Variants in MSTN observed in about 807,000 individuals in gnomAD.
MSTN encodes the protein myostatin, also known as growth/differentiation factor 8.
A neutral mutation model predicts 32.3 loss-of-function variants in MSTN; 12 were observed. That is an observed-to-expected ratio of 0.37 (90% CI 0.24 to 0.60). The LOEUF is 0.60. MSTN is among the 20% of genes least tolerant of loss of function. MSTN has a pLI of 0.67. For missense variants in MSTN, 403 were observed against 450.3 expected (o/e 0.89, Z 0.95); for synonymous variants, 168 against 155.1 (o/e 1.08, Z -0.62).
chr2:190,059,524 T>C (rs532853915), intron 2 of MSTN, among the ~76,000 whole-genome samples: 3 of 152,050 alleles, frequency 2.0e-5, no homozygotes, highest in African/African-American at 7.2e-5. Context: ...AATGAACATA[T>C]TTATCTTGAG....
In MSTN at chr2:190,057,525, A is replaced by G; in HGVS notation, c.861T>C (p.Thr287=). Residue 287 remains threonine (T), a synonymous_variant, in exon 3 of 3, where the codon ACT becomes ACC. Coordinates refer to ENST00000260950, the MANE Select transcript of MSTN (RefSeq NM_005259.3). Reference sequence around the variant, plus strand: ...CCCATCCAAAAGCTTCAAAATCCACAGTTAGAGGGTAACGACAGCATCGTG... The same window carrying G: ...CCCATCCAAAAGCTTCAAAATCCACGGTTAGAGGGTAACGACAGCATCGTG... ...TESRCCRYPL[T]VDFEAFGWDW... is the part of the protein sequence containing the mutation. The G allele has an allele frequency of 6.2e-7, 1 of 1,613,584 alleles. No individual in the cohort carries two copies. Among genetic ancestry groups the G allele is most frequent in the South Asian group, 1.1e-5 (1 of 91,064 alleles).
At position 190,057,049 on chromosome 2, in the gene MSTN, T is replaced by A. The variant is rs1005115590; in HGVS notation, c.*209A>T. The A allele has an allele frequency of 8.9e-6, 5 of 561,552 alleles. No individual in the cohort carries two copies. The highest frequency in any genetic ancestry group is 1.6e-5 in the Non-Finnish European group (5 of 321,270). 34.8% of individuals were successfully genotyped at this position (561,552 alleles called of 1,614,324 possible). A position where few individuals can be genotyped will look rare whatever the true frequency, so the allele number is the denominator to read the frequency against. On this transcript the variant is annotated 3_prime_UTR_variant, in exon 3 of 3. Coordinates refer to ENST00000260950, the MANE Select transcript of MSTN (RefSeq NM_005259.3). Reference sequence around the variant, plus strand: ...CCTTCTAGCTCAAAAACTCTGGAAATCATAAAACTTTCTTGTATGATTTGT... The same window carrying A: ...CCTTCTAGCTCAAAAACTCTGGAAAACATAAAACTTTCTTGTATGATTTGT...
chr2:190,060,295 G>T lies in MSTN; in HGVS notation c.514C>A (p.Gln172Lys), dbSNP rs1685556629. The T allele has an allele frequency of 6.2e-7, 1 of 1,612,918 alleles. No homozygotes were observed. Among genetic ancestry groups the T allele is most frequent in the African/African-American group, 1.3e-5 (1 of 74,832 alleles). ...ATAGGTTTGATGAGTCTCAGGATTT[G>T]CACAAACACTGTTGTAGGAGTCTCG... ...PVETPTTVFV[Q>K]ILRLIKPMKD... The change falls in exon 2 of 3, where the codon CAA (glutamine) becomes AAA (lysine). Residue 172 changes from glutamine (Q) to lysine (K), a missense_variant. Gln to Lys is a moderately conservative substitution (Grantham distance 53). Coordinates refer to ENST00000260950, the MANE Select transcript of MSTN (RefSeq NM_005259.3).
intron 2 of MSTN, among the ~76,000 whole-genome samples, chr2:190,059,198 T>C (rs1381660942): frequency 2.6e-5 from 4 of 151,974 alleles, no homozygotes; most frequent in African/African-American, 9.7e-5. Context: ...ATTATATCAA[T>C]AGATGAACGT....
At chr2:190,060,720 C>T (rs547418756) in intron 1 of MSTN, among the ~76,000 whole-genome samples, 1 of 151,850 alleles carries the variant, frequency 6.6e-6, no homozygotes, top group Non-Finnish European at 1.5e-5. Context: ...GTAATGAACG[C>T]TGAATGAAAT....
rs1685418119 is a variant in MSTN, at chr2:190,056,057, TAA to T, written c.*1199_*1200del. On this transcript the variant is annotated 3_prime_UTR_variant, in exon 3 of 3. Coordinates refer to ENST00000260950, the MANE Select transcript of MSTN (RefSeq NM_005259.3). ...ACTTTATACAGCCATCATGAATCCATAAGTGAATGTTAATCATGTAAAAAAAT... is the reference window on the plus strand; with the variant it reads ...ACTTTATACAGCCATCATGAATCCATGTGAATGTTAATCATGTAAAAAAAT... 3 of 152,602 alleles carry T rather than the reference TAA, an allele frequency of 2.0e-5. No individual in the cohort carries two copies. The East Asian group carries it at 5.8e-4, about 29-fold the overall frequency. 9.5% of individuals were successfully genotyped at this position (152,602 alleles called of 1,614,324 possible). A position where few individuals can be genotyped will look rare whatever the true frequency, so the allele number is the denominator to read the frequency against.
Position 190,057,418 on chromosome 2 carries a change from T to G in MSTN, c.968A>C (p.His323Pro). ...CEFVFLQKYP[H>P]THLVHQANPR... ...GTTTGCTTGGTGTACCAGATGAGTA[T>G]GAGGATATTTTTGTAAAAATACAAA... The change falls in exon 3 of 3, where the codon CAT becomes CCT. Residue 323 changes from histidine (H) to proline (P), a missense_variant. Transcript: ENST00000260950. 6.2e-7 allele frequency: 1 copy of G among 1,613,594 alleles called. No homozygotes were observed. Among genetic ancestry groups the G allele is most frequent in the Non-Finnish European group, 8.5e-7 (1 of 1,179,622 alleles).
rs779085524 is a variant in MSTN at position 190,060,017 on chromosome 2, TA to T, written c.747+44del. 10 of 1,574,698 alleles carry T rather than the reference TA, an allele frequency of 6.4e-6. No individual in the cohort carries two copies. The African/African-American group carries it at 9.5e-5, about 15-fold the overall frequency. Reference sequence around the variant, plus strand: ...CACTATTGTTTGTTCATATTATGAATAAAAACATAAGGTTATTATAATGTTA... The same window carrying T: ...CACTATTGTTTGTTCATATTATGAATAAAACATAAGGTTATTATAATGTTA... On this transcript the variant is annotated intron_variant, in intron 2 of 2. Transcript: ENST00000260950.
At chr2:190,059,843 T>A (rs1685542557) in intron 2 of MSTN, among the ~76,000 whole-genome samples, 1 of 151,924 alleles carries the variant, frequency 6.6e-6, no homozygotes, top group Non-Finnish European at 1.5e-5. Context: ...GTATAATTGT[T>A]TTCTAAAATC....
In MSTN at chr2:190,060,139, C is replaced by T. The variant is rs1186025207; in HGVS notation, c.670G>A (p.Gly224Ser). 1.9e-6 allele frequency: 3 copies of T among 1,612,752 alleles called. No individual in the cohort carries two copies. The highest frequency in any genetic ancestry group is 2.2e-5 in the East Asian group (1 of 44,864). Residue 224 changes from glycine (G) to serine (S), a missense_variant, in exon 2 of 3, where the codon GGC becomes AGC. Gly to Ser is a moderately conservative substitution (Grantham distance 56, BLOSUM62 0). Coordinates refer to ENST00000260950, the MANE Select transcript of MSTN (RefSeq NM_005259.3). ...TCATCTAAAGCTTTTATTTCAATGCCTAAGTTGGATTCAGGTTGTTTGAGC... is the reference window on the plus strand; with the variant it reads ...TCATCTAAAGCTTTTATTTCAATGCTTAAGTTGGATTCAGGTTGTTTGAGC... The part of the protein sequence containing the change: ...NWLKQPESNL[G>S]IEIKALDENG...
chr2:190,057,445 T>C lies in MSTN; in HGVS notation c.941A>G (p.Glu314Gly). The C allele has an allele frequency of 6.2e-7, 1 of 1,613,540 alleles. No homozygotes were observed. The highest frequency in any genetic ancestry group is 8.5e-7 in the Non-Finnish European group (1 of 1,179,582). Reference protein sequence around the residue: ...YKANYCSGECEFVFLQKYPHT... With the variant: ...YKANYCSGECGFVFLQKYPHT... ...AGGATATTTTTGTAAAAATACAAAT[T>C]CACACTCTCCAGAGCAGTAATTGGC... Residue 314 changes from glutamate to glycine, a missense_variant, in exon 3 of 3, where the codon GAA becomes GGA. Physicochemically the swap from Glu to Gly is moderately conservative, Grantham distance 98. Transcript: ENST00000260950.
Position 190,057,243 on chromosome 2 carries a change from C to T in MSTN, c.*15G>A, listed in dbSNP as rs186878620. The T allele has an allele frequency of 7.0e-5, 113 of 1,612,718 alleles. 1 individual carries two copies. Among genetic ancestry groups the T allele is most frequent in the Middle Eastern group, 3.3e-4 (2 of 6,036 alleles). On this transcript the variant is annotated 3_prime_UTR_variant, in exon 3 of 3. Transcript: ENST00000260950. Reference sequence around the variant, plus strand: ...CTTCCATGTTTTAGGAAGTTATGAACGCTTAATATAAATCTCATGAGCACC... The same window carrying T: ...CTTCCATGTTTTAGGAAGTTATGAATGCTTAATATAAATCTCATGAGCACC...
rs370587186 is a variant in MSTN at position 190,057,633 on chromosome 2, C to A, written c.753G>T (p.Pro251=). ...TGTCTGTTACCTTGACCTCTAAAAA[C>A]GGATTCTGTTTGAAAAGGAAAGAAC... The part of the protein sequence containing the change: ...FPGPGEDGLN[P]FLEVKVTDTP... The change falls in exon 3 of 3, where the codon CCG becomes CCT. Residue 251 remains proline (P), a synonymous_variant. Transcript: ENST00000260950. 2 of 1,613,020 alleles carry A rather than the reference C, an allele frequency of 1.2e-6. No individual in the cohort carries two copies. Among genetic ancestry groups the A allele is most frequent in the East Asian group, 2.2e-5 (1 of 44,854 alleles).
rs757093012 is a variant in MSTN, at chr2:190,062,442, C to T, written c.155G>A (p.Arg52Lys). Reference protein sequence around the residue: ...CTWRQNTKSSRIEAIKIQILS... With the variant: ...CTWRQNTKSSKIEAIKIQILS... ...GATTTGTATCTTAATGGCTTCTATT[C>T]TTGAAGATTTAGTGTTTTGTCTCCA... Residue 52 changes from arginine to lysine, a missense_variant, in exon 1 of 3, where the codon AGA becomes AAA. Arg to Lys is a conservative substitution (Grantham distance 26). Coordinates refer to ENST00000260950, the MANE Select transcript of MSTN (RefSeq NM_005259.3). 1.9e-6 allele frequency: 3 copies of T among 1,613,310 alleles called. No homozygotes were observed. Among genetic ancestry groups the T allele is most frequent in the Non-Finnish European group, 2.5e-6 (3 of 1,179,602 alleles).
intron 2 of MSTN, among the ~76,000 whole-genome samples, chr2:190,058,224 A>C (rs1189233797): frequency 6.6e-6 from 1 of 152,034 alleles, no homozygotes; most frequent in Non-Finnish European, 1.5e-5. Context: ...CAGGTATTTA[A>C]AAATTTGTTG....
At position 190,062,465 on chromosome 2, in the gene MSTN, C is replaced by A. The variant is rs1182619306; in HGVS notation, c.132G>T (p.Trp44Cys). 1 of 1,613,490 alleles carries A rather than the reference C, an allele frequency of 6.2e-7. No homozygotes were observed. Among genetic ancestry groups the A allele is most frequent in the Non-Finnish European group, 8.5e-7 (1 of 1,179,610 alleles). The change falls in exon 1 of 3, where the codon TGG becomes TGT. Residue 44 changes from tryptophan to cysteine, a missense_variant. Physicochemically the swap from Trp to Cys is radical, Grantham distance 215. Transcript: ENST00000260950. Reference sequence around the variant, plus strand: ...TTCTTGAAGATTTAGTGTTTTGTCTCCAAGTACATGCATTACACAGCCCCT... The same window carrying A: ...TTCTTGAAGATTTAGTGTTTTGTCTACAAGTACATGCATTACACAGCCCCT... ...EKEGLCNACT[W>C]RQNTKSSRIE...
At chr2:190,057,793 A>G (rs1685477560) in intron 2 of MSTN, among the ~76,000 whole-genome samples, 155 bp from the exon 3 acceptor site, 1 of 152,118 alleles carries the variant, frequency 6.6e-6, no homozygotes, top group Admixed American at 6.6e-5. Context: ...GTTAATTTAC[A>G]CTAGGCTTGA....
At position 190,057,392 on chromosome 2, in the gene MSTN, G is replaced by T; in HGVS notation, c.994C>A (p.Pro332Thr). ...CAGCAAGGGCCTGCTGAACCTCTGGGGTTTGCTTGGTGTACCAGATGAGTA... is the reference window on the plus strand; with the variant it reads ...CAGCAAGGGCCTGCTGAACCTCTGGTGTTTGCTTGGTGTACCAGATGAGTA... ...PHTHLVHQAN[P>T]RGSAGPCCTP... The change falls in exon 3 of 3, where the codon CCC (proline) becomes ACC (threonine). Residue 332 changes from proline (P) to threonine (T), a missense_variant. Coordinates refer to ENST00000260950, the MANE Select transcript of MSTN (RefSeq NM_005259.3). The T allele has an allele frequency of 6.2e-7, 1 of 1,613,536 alleles. No homozygotes were observed. The highest frequency in any genetic ancestry group is 8.5e-7 in the Non-Finnish European group (1 of 1,179,618).
chr2:190,056,320 T>C lies in MSTN; in HGVS notation c.*938A>G, dbSNP rs889370512. 6.6e-6 allele frequency: 1 copy of C among 152,556 alleles called. No individual in the cohort carries two copies. The highest frequency in any genetic ancestry group is 2.4e-5 in the African/African-American group (1 of 41,448). 9.5% of individuals were successfully genotyped at this position (152,556 alleles called of 1,614,324 possible). A position where few individuals can be genotyped will look rare whatever the true frequency, so the allele number is the denominator to read the frequency against. ...GTATACATATTATATAAATGCATTGTTTCAGTCTTTTTATACAATATTGAT... is the reference window on the plus strand; with the variant it reads ...GTATACATATTATATAAATGCATTGCTTCAGTCTTTTTATACAATATTGAT... On this transcript the variant is annotated 3_prime_UTR_variant, in exon 3 of 3. Transcript: ENST00000260950.
Sources: allele counts gnomAD v4.1 joint callset (sites outside exome capture counted in the v4.1 genomes callset), GRCh38; gene constraint gnomAD v4.1.1; transcripts MANE v1.5; gene names NCBI Gene and HGNC (gene_info 2026-07-23, HGNC 2026-07-21).